The following SCRN2 variants were observed in gnomAD, a reference collection of about 807,000 sequenced individuals.
The protein encoded by SCRN2 is secernin 2.
Under a neutral mutation model 40.1 loss-of-function variants are expected in SCRN2, and 30 were observed. That is an observed-to-expected ratio of 0.75 (90% CI 0.56 to 1.01). The LOEUF (loss-of-function observed/expected upper bound fraction) is 1.01, where lower values mean the gene tolerates loss of function less well. SCRN2 is among the 50% of genes least tolerant of loss of function. The probability of loss-of-function intolerance (pLI) is 0.00; values close to 1 mark genes in which losing one functional copy is unlikely to be tolerated. For synonymous variants in SCRN2, 240 were observed against 233.5 expected, an observed-to-expected ratio of 1.03 and a Z score of -0.25; for missense variants, 526 against 564.9, an observed-to-expected ratio of 0.93 and a Z score of 0.70.
rs762332325 is a variant in SCRN2, at chr17:47,838,705, G to C, written c.773-9C>G. On this transcript the variant is annotated splice_polypyrimidine_tract_variant and intron_variant, in intron 5 of 7. Transcript: ENST00000290216. ...CTCTGCCGTGATGCCCCCTGCCAAG[G>C]AGTAGAGGGGGAAGCTGTGGGAGGG... The C allele has an allele frequency of 2.5e-6, 4 of 1,613,024 alleles. No homozygotes were observed. Among genetic ancestry groups the C allele is most frequent in the South Asian group, 2.2e-5 (2 of 91,026 alleles).
chr17:47,837,999 G>C lies in SCRN2; in HGVS notation c.1123C>G (p.Arg375Gly), dbSNP rs762130963. ...ALGLMERDQD[R>G]GQQLQQKQQD... ...TGTTTCTGCTGGAGCTGCTGCCCCC[G>C]ATCCTGCCCCAAGGGAAAGCTGAGA... The change falls in exon 8 of 8, where the codon CGG becomes GGG. Residue 375 changes from arginine (R) to glycine (G), a missense_variant. Coordinates refer to ENST00000290216, the MANE Select transcript of SCRN2 (RefSeq NM_138355.4). The C allele has an allele frequency of 1.2e-6, 2 of 1,605,742 alleles. No homozygotes were observed. The highest frequency in any genetic ancestry group is 2.2e-5 in the South Asian group (2 of 90,946).
chr17:47,838,758 C>G, intron 5 of SCRN2, 33 bp downstream of exon 5: 1 of 1,610,870 alleles, frequency 6.2e-7, no homozygotes, highest in Non-Finnish European at 8.5e-7. Context: ...CTGTGGCCCT[C>G]CTGGCCCCCA....
intron 3 of SCRN2, chr17:47,839,914 A>G: frequency 1.7e-6 from 1 of 592,724 alleles, no homozygotes; most frequent in Non-Finnish European, 3.0e-6. Flanking sequence ...CTCTCCACCC[A>G]GAGCTGCTCC....
At chr17:47,840,600 C>T (rs1408239471) in intron 2 of SCRN2, 70 bp downstream of exon 2, 3 of 1,481,258 alleles carry the variant, frequency 2.0e-6, no homozygotes, top group Non-Finnish European at 2.7e-6. Flanking sequence ...GTGTGGGGAG[C>T]AGGGAAGAAG....
intron 2 of SCRN2, 21 bp from the exon 3 acceptor site, chr17:47,840,393 A>T: frequency 6.2e-7 from 1 of 1,612,656 alleles, no homozygotes; most frequent in South Asian, 1.1e-5. Flanking sequence ...GGGAGGAGAA[A>T]GGAAGCGTCC....
chr17:47,840,466 G>C (rs2033798788), intron 2 of SCRN2, 94 bp from the exon 3 acceptor site: 3 of 1,419,656 alleles, frequency 2.1e-6, no homozygotes, highest in Non-Finnish European at 2.9e-6. Flanking sequence ...ATCCCTTTGA[G>C]GAAGGTCTCA....
At chr17:47,839,350 TG>T (rs1250565433) in intron 4 of SCRN2, 93 bp downstream of exon 4, 4 of 1,301,612 alleles carry the variant, frequency 3.1e-6, no homozygotes, top group Non-Finnish European at 4.3e-6. Context: ...CCCATCTCCC[TG>T]GATGTCCTGA....
intron 2 of SCRN2, 128 bp from the exon 3 acceptor site, chr17:47,840,500 C>G (rs1331254782): frequency 1.6e-6 from 2 of 1,233,212 alleles, no homozygotes; most frequent in African/African-American, 1.5e-5. Flanking sequence ...GAAGAGGAAA[C>G]TGAGGTAGAC....
At chr17:47,839,403 C>T in intron 4 of SCRN2, 41 bp downstream of exon 4, 1 of 1,601,010 alleles carries the variant, frequency 6.2e-7, no homozygotes, top group Non-Finnish European at 8.5e-7. Flanking sequence ...CCCCTACCAT[C>T]TCTCCCACTT....
Position 47,838,397 on chromosome 17 carries a change from AC to A in SCRN2, c.991del (p.Val331CysfsTer22), listed in dbSNP as rs761905920. 6.2e-7 allele frequency: 1 copy of A among 1,610,016 alleles called. No homozygotes were observed. Among genetic ancestry groups the A allele is most frequent in the Non-Finnish European group, 8.5e-7 (1 of 1,178,882 alleles). On this transcript the variant is annotated frameshift_variant, in exon 7 of 8. Transcript: ENST00000290216. LOFTEE classifies it high-confidence loss of function. ...TTGTGCTCCAAAAGTGGGGGACAGC[AC>A]CTGGGGGGCCTGGGCCACCCCCATC... ...FGMGVAQAPQ[V>X]LSPTFGAQDP...
Position 47,838,963 on chromosome 17 carries a change from G to A in SCRN2, c.600C>T (p.Asp200=). 6.2e-7 allele frequency: 1 copy of A among 1,614,070 alleles called. No homozygotes were observed. Among genetic ancestry groups the A allele is most frequent in the African/African-American group, 1.3e-5 (1 of 75,068 alleles). ...GCAGCTCCGGGTGTTGGGCCGAGAT[G>A]TCCGTGCCAATGCTCAGCTGGTTGG... The part of the protein sequence containing the change: ...NISNQLSIGT[D]ISAQHPELRT... Residue 200 remains aspartate, a synonymous_variant, in exon 5 of 8, where the codon GAC becomes GAT. Transcript: ENST00000290216.
chr17:47,840,830 C>A lies in SCRN2; in HGVS notation c.14G>T (p.Ser5Ile). The A allele has an allele frequency of 6.5e-7, 1 of 1,535,254 alleles. No homozygotes were observed. The highest frequency in any genetic ancestry group is 2.0e-5 in the Admixed American group (1 of 50,044). The part of the protein sequence containing the change: MASS[S>I]PDSPCSCDCF... The stretch of plus-strand genomic sequence containing the variant: ...GTCGCAGGAACATGGGGAGTCAGGG[C>A]TCGACGACGCCATCTGGGGAGAGGC... Residue 5 changes from serine (S) to isoleucine (I), a missense_variant, in exon 2 of 8, where the codon AGC (serine) becomes ATC (isoleucine). By Grantham distance (142) the Ser-to-Ile change is moderately radical. Coordinates refer to ENST00000290216, the MANE Select transcript of SCRN2 (RefSeq NM_138355.4).
chr17:47,840,990 A>T (rs2033813021), intron 1 of SCRN2, 147 bp from the exon 2 acceptor site: 2 of 702,034 alleles, frequency 2.8e-6, no homozygotes, highest in South Asian at 8.8e-5. Context: ...GTGTGCGGGA[A>T]CGGAGGTGCC....
At chr17:47,840,107 G>C in intron 3 of SCRN2, 84 bp downstream of exon 3, 1 of 1,410,990 alleles carries the variant, frequency 7.1e-7, no homozygotes, top group South Asian at 1.3e-5. Flanking sequence ...AACCAGGCTG[G>C]GGGAGGGATG....
rs1197370889 is a variant in SCRN2 at position 47,837,764 on chromosome 17, T to C, written c.*80A>G. 5.4e-6 allele frequency: 8 copies of C among 1,472,972 alleles called. No homozygotes were observed. The highest frequency in any genetic ancestry group is 7.2e-6 in the Non-Finnish European group (8 of 1,113,100). The allele number at this position is 1,472,972 out of a possible 1,614,324, so 91.2% of individuals were successfully genotyped here. A position where few individuals can be genotyped will look rare whatever the true frequency, so the allele number is the denominator to read the frequency against. ...AACATGGCCAAGGAGCGTGAAGGGATTGCTCCACTTTACCACCACTCAGGG... is the reference window on the plus strand; with the variant it reads ...AACATGGCCAAGGAGCGTGAAGGGACTGCTCCACTTTACCACCACTCAGGG... On this transcript the variant is annotated 3_prime_UTR_variant, in exon 8 of 8. Transcript: ENST00000290216.
In SCRN2 at chr17:47,838,502, C is replaced by T. The variant is rs573123766; in HGVS notation, c.938+29G>A. ...AGATATATCAGATCCTCTCTTCTCC[C>T]CAGCCTTCCCCACCCTCATTCTTCC... On this transcript the variant is annotated intron_variant, in intron 6 of 7. Coordinates refer to ENST00000290216, the MANE Select transcript of SCRN2 (RefSeq NM_138355.4). 4.4e-4 allele frequency: 703 copies of T among 1,613,972 alleles called. 18 individuals are homozygous for T. In the South Asian group the frequency reaches 7.4e-3, roughly 17 times the overall value.
Position 47,838,802 on chromosome 17 carries a change from C to T in SCRN2, c.761G>A (p.Arg254Gln), listed in dbSNP as rs773765468. Residue 254 changes from arginine to glutamine, a missense_variant, in exon 5 of 8, where the codon CGG (arginine) becomes CAG (glutamine). Arg to Gln is a conservative substitution (Grantham distance 43, BLOSUM62 1). Coordinates refer to ENST00000290216, the MANE Select transcript of SCRN2 (RefSeq NM_138355.4). ...CACCGTTCACTAACCTTGCCGTTGC[C>T]GCAGCAGCTCCCGCCCTGCCTGGAA... Reference protein sequence around the residue: ...ARFQAGRELLRQRQGGITAEV... With the variant: ...ARFQAGRELLQQRQGGITAEV... The T allele has an allele frequency of 3.7e-6, 6 of 1,612,808 alleles. No homozygotes were observed. Among genetic ancestry groups the T allele is most frequent in the South Asian group, 2.2e-5 (2 of 91,076 alleles).
rs747247322 is a variant in SCRN2 at position 47,840,830 on chromosome 17, CT to C, written c.13del (p.Ser5AlafsTer23). The C allele has an allele frequency of 3.0e-5, 46 of 1,535,136 alleles. No homozygotes were observed. Among genetic ancestry groups the C allele is most frequent in the Admixed American group, 1.8e-4 (9 of 50,024 alleles). Reference sequence around the variant, plus strand: ...GTCGCAGGAACATGGGGAGTCAGGGCTCGACGACGCCATCTGGGGAGAGGCG... The same window carrying C: ...GTCGCAGGAACATGGGGAGTCAGGGCCGACGACGCCATCTGGGGAGAGGCG... Reference protein sequence around the residue: MASSSPDSPCSCDCF... With the variant: MASSXPDSPCSCDCF... On this transcript the variant is annotated frameshift_variant, in exon 2 of 8. Coordinates refer to ENST00000290216, the MANE Select transcript of SCRN2 (RefSeq NM_138355.4). LOFTEE classifies it high-confidence loss of function.
At chr17:47,841,002 A>C in intron 1 of SCRN2, 159 bp from the exon 2 acceptor site, 1 of 596,728 alleles carries the variant, frequency 1.7e-6, no homozygotes. Context: ...GGAGGTGCCC[A>C]CCCTCTCCCC....
Sources: gnomAD v4.1 joint callset for allele counts on GRCh38, gnomAD v4.1.1 for gene constraint, MANE v1.5 for transcripts, NCBI Gene and HGNC (gene_info 2026-07-23, HGNC 2026-07-21) for gene names.